The following SPECC1 variants were observed in gnomAD, a reference collection of about 807,000 sequenced individuals.
SPECC1 encodes cytospin-B.
In SPECC1, 62 loss-of-function variants were observed where a neutral mutation model predicts 104.1. The observed-to-expected ratio is 0.60, with a 90% CI of 0.49 to 0.74. The LOEUF (loss-of-function observed/expected upper bound fraction) is 0.74. Among genes scored for constraint, SPECC1 ranks in the 30% least tolerant of loss-of-function variants. The pLI is 0.00. For synonymous variants in SPECC1, 513 were observed against 501.6 expected, an observed-to-expected ratio of 1.02 and a Z score of -0.30; for missense variants, 1,306 against 1,310.5, an observed-to-expected ratio of 1.00 and a Z score of 0.05.
chr17:20,279,318 T>C (rs1598131033), intron 12 of SPECC1, among the ~76,000 whole-genome samples: 1 of 149,750 alleles, frequency 6.7e-6, no homozygotes, highest in South Asian at 2.1e-4. Context: ...TCTTTTTTTT[T>C]TTTTCTTTTT....
intron 12 of SPECC1, among the ~76,000 whole-genome samples, chr17:20,291,323 C>A (rs935543920): frequency 6.6e-6 from 1 of 152,238 alleles, no homozygotes; most frequent in Non-Finnish European, 1.5e-5. Context: ...CCTCTTTCAG[C>A]AGGGTCTGCT....
intron 1 of SPECC1, among the ~76,000 whole-genome samples, chr17:20,079,954 C>T (rs1286891439): frequency 1.3e-5 from 2 of 152,160 alleles, no homozygotes; most frequent in East Asian, 1.9e-4. Flanking sequence ...CTCCGCACCC[C>T]TACCGCCATG....
intron 3 of SPECC1, among the ~76,000 whole-genome samples, chr17:20,132,172 C>T (rs1443450881): frequency 6.6e-6 from 1 of 152,058 alleles, no homozygotes; most frequent in Non-Finnish European, 1.5e-5. Flanking sequence ...CTTTTCTTAG[C>T]CTGTTAATAT....
intron 3 of SPECC1, among the ~76,000 whole-genome samples, chr17:20,140,489 A>G (rs2030640024): frequency 6.6e-6 from 1 of 152,206 alleles, no homozygotes; most frequent in Non-Finnish European, 1.5e-5. Context: ...CTTTTGAGGA[A>G]GCGATATCTC....
At position 20,308,389 on chromosome 17, in the gene SPECC1, CAA is replaced by C. The variant is rs3072413; in HGVS notation, c.3117+2328_3117+2329del. Among the ~76,000 whole-genome samples the C allele has an allele frequency of 7.5e-5, 5 of 66,604 alleles. 1 individual carries two copies. The highest frequency in any genetic ancestry group is 2.1e-4 in the African/African-American group (3 of 14,066). The allele number at this position is 66,604 out of a possible 152,430, so 43.7% of individuals were successfully genotyped here. On this transcript the variant is annotated intron_variant, in intron 14 of 14. Coordinates refer to ENST00000395527, the MANE Select transcript of SPECC1 (RefSeq NM_001243439.2). ...GGGTGACAAGAGCGAAACTCCATCT[CAA>C]AAAAAAAAAAAAAAAAAAAATTCCA...
intron 10 of SPECC1, among the ~76,000 whole-genome samples, chr17:20,256,442 C>T (rs2039833509): frequency 6.6e-6 from 1 of 152,064 alleles, no homozygotes; most frequent in Non-Finnish European, 1.5e-5. Flanking sequence ...TTGTTGTTCC[C>T]TTGGATGTAA....
chr17:20,020,489 A>G (rs2152432895), intron 1 of SPECC1, among the ~76,000 whole-genome samples: 1 of 152,080 alleles, frequency 6.6e-6, no homozygotes, highest in East Asian at 1.9e-4. Context: ...ATGTGCCACC[A>G]CACCTGGGTA....
At chr17:20,200,919 A>T (rs1230597496) in intron 3 of SPECC1, among the ~76,000 whole-genome samples, 3 of 152,006 alleles carry the variant, frequency 2.0e-5, no homozygotes, top group African/African-American at 7.2e-5. Context: ...AAAAGAATAG[A>T]TATAACAAAA....
At chr17:20,060,208 A>G (rs1034355341) in intron 1 of SPECC1, among the ~76,000 whole-genome samples, 1 of 152,138 alleles carries the variant, frequency 6.6e-6, no homozygotes, top group Non-Finnish European at 1.5e-5. Flanking sequence ...CCTTTTGGTA[A>G]TGAAGTGCAT....
intron 1 of SPECC1, chr17:20,056,457 T>G: frequency 5.0e-6 from 1 of 200,552 alleles, no homozygotes. Flanking sequence ...GCCGAATGAA[T>G]TCCGCGATGA....
intron 2 of SPECC1, among the ~76,000 whole-genome samples, chr17:20,104,254 G>C (rs12943904): frequency 0.22 from 32,729 of 152,066 alleles, 4,574 homozygotes; most frequent in Middle Eastern, 0.34. Context: ...GATCGTGAAG[G>C]CATCAGCACA....
intron 1 of SPECC1, among the ~76,000 whole-genome samples, chr17:20,035,307 CTA>C (rs1386920719): frequency 1.3e-5 from 2 of 152,070 alleles, no homozygotes; most frequent in Non-Finnish European, 2.9e-5. Flanking sequence ...ATGATCTTGT[CTA>C]TATCTATGTA....
At chr17:20,136,642 G>A (rs2030014771) in intron 3 of SPECC1, among the ~76,000 whole-genome samples, 1 of 152,174 alleles carries the variant, frequency 6.6e-6, no homozygotes, top group Non-Finnish European at 1.5e-5. Flanking sequence ...ACTATTCAGT[G>A]TGTCTGGAAG....
chr17:20,129,224 C>T (rs1194228244), intron 3 of SPECC1, among the ~76,000 whole-genome samples: 1 of 143,908 alleles, frequency 6.9e-6, no homozygotes, highest in African/African-American at 2.6e-5. Flanking sequence ...CTCACTCTAT[C>T]ACCAGGCTGG....
intron 3 of SPECC1, among the ~76,000 whole-genome samples, chr17:20,186,116 G>A (rs890841142): frequency 1.3e-5 from 2 of 152,144 alleles, no homozygotes; most frequent in Non-Finnish European, 2.9e-5. Context: ...GGGATTGCAG[G>A]CATGAGCCAC....
chr17:20,088,520 G>C (rs955118480), intron 1 of SPECC1, among the ~76,000 whole-genome samples: 13 of 152,136 alleles, frequency 8.5e-5, no homozygotes, highest in African/African-American at 1.2e-4. Flanking sequence ...AGAGCTGGGA[G>C]TATCTCATCA....
intron 1 of SPECC1, among the ~76,000 whole-genome samples, chr17:20,029,198 T>C (rs867578469): frequency 6.6e-6 from 1 of 152,242 alleles, no homozygotes; most frequent in Non-Finnish European, 1.5e-5. Flanking sequence ...TAACAGTGTT[T>C]TGTAGCTTCT....
In SPECC1 at chr17:20,238,922, A is replaced by G. The variant is rs1042529999; in HGVS notation, c.2351+6517A>G. ...TGCTGCTTAGTTTTAATCACCAGCT[A>G]CGTTTCTGCAGGGCCTTTATGTCGT... On this transcript the variant is annotated intron_variant, in intron 7 of 14. Transcript: ENST00000395527. 1.5e-5 allele frequency: 16 copies of G among 1,041,124 alleles called. No homozygotes were observed. In the African/African-American group the frequency reaches 2.7e-4, roughly 17 times the overall value. The allele number at this position is 1,041,124 out of a possible 1,614,324, so 64.5% of individuals were successfully genotyped here.
intron 3 of SPECC1, among the ~76,000 whole-genome samples, chr17:20,178,344 C>G (rs1420054702): frequency 2.6e-5 from 4 of 152,114 alleles, no homozygotes; most frequent in Admixed American, 1.3e-4. Flanking sequence ...TGTGCCCTTT[C>G]ATTTACTCCT....
Sources: gnomAD v4.1 joint callset for allele counts (sites outside exome capture counted in the v4.1 genomes callset) on GRCh38, gnomAD v4.1.1 for gene constraint, MANE v1.5 for transcripts, NCBI Gene and HGNC (gene_info 2026-07-23, HGNC 2026-07-21) for gene names.